TOP1: variants seen among roughly 807,000 people sequenced by gnomAD.
TOP1 encodes DNA topoisomerase I.
TOP1 carries 10 observed loss-of-function variants against 111.1 expected under a neutral mutation model. The ratio of observed to expected loss-of-function variants is 0.09; its 90% CI spans 0.06 to 0.15. The LOEUF (loss-of-function observed/expected upper bound fraction) is 0.15. TOP1 is among the 10% of genes least tolerant of loss of function. TOP1 has a pLI of 1.00. For synonymous variants in TOP1, 271 were observed against 302.9 expected, an observed-to-expected ratio of 0.89 and a Z score of 1.10; for missense variants, 474 against 926.7, an observed-to-expected ratio of 0.51 and a Z score of 6.34.
intron 2 of TOP1, among the ~76,000 whole-genome samples, chr20:41,047,155 C>T (rs1166312283): frequency 6.6e-6 from 1 of 152,218 alleles, no homozygotes; most frequent in East Asian, 1.9e-4. Context: ...GCGCAGTGTT[C>T]TGCAAACTAC....
At chr20:41,113,672 C>T (rs1486806914) in intron 14 of TOP1, among the ~76,000 whole-genome samples, 1 of 150,278 alleles carries the variant, frequency 6.7e-6, no homozygotes, top group Non-Finnish European at 1.5e-5. Flanking sequence ...GGTCAAGAGA[C>T]CATCCTGGCC....
Position 41,032,761 on chromosome 20 carries a change from G to A in TOP1, c.58+3306G>A, listed in dbSNP as rs528704562. Among the ~76,000 whole-genome samples, 8 of 152,338 alleles carry A rather than the reference G, an allele frequency of 5.3e-5. No homozygotes were observed. Among genetic ancestry groups the A allele is most frequent in the Admixed American group, 5.2e-4 (8 of 15,304 alleles). The stretch of plus-strand genomic sequence containing the variant: ...AGGTAATTAAATATGAATTGTTTCT[G>A]ATGCTAATAGATAGTTGTACTTCTG... On this transcript the variant is annotated intron_variant, in intron 2 of 20. Coordinates refer to ENST00000361337, the MANE Select transcript of TOP1 (RefSeq NM_003286.4). This position sits in a 1 kb window ranked among gnomAD's most constrained non-coding sequence, Gnocchi z 4.3.
chr20:41,049,569 A>G (rs2033376882), intron 2 of TOP1, among the ~76,000 whole-genome samples: 1 of 152,220 alleles, frequency 6.6e-6, no homozygotes, highest in African/African-American at 2.4e-5. Flanking sequence ...AAGTCCAGTG[A>G]AACTTGGGCA....
At chr20:41,064,391 C>G (rs2033582603) in intron 3 of TOP1, among the ~76,000 whole-genome samples, 1 of 152,214 alleles carries the variant, frequency 6.6e-6, no homozygotes, top group Admixed American at 6.5e-5. Context: ...TTGGACCCCA[C>G]TCTCCTTAAA....
At chr20:41,038,740 C>A (rs916654347) in intron 2 of TOP1, among the ~76,000 whole-genome samples, 7 of 152,268 alleles carry the variant, frequency 4.6e-5, no homozygotes, top group Admixed American at 2.6e-4. Context: ...AATCCCAGCA[C>A]TTTGGGAGGC....
chr20:41,029,053 T>A lies in TOP1; in HGVS notation c.-15T>A. 1 of 1,546,442 alleles carries A rather than the reference T, an allele frequency of 6.5e-7. No homozygotes were observed. The highest frequency in any genetic ancestry group is 1.2e-5 in the South Asian group (1 of 84,652). ...GCCGCCTCGCCTGCCGCCGCGCTCGTCCCTCCGGGCCGACATGAGTGGGGA... is the reference window on the plus strand; with the variant it reads ...GCCGCCTCGCCTGCCGCCGCGCTCGACCCTCCGGGCCGACATGAGTGGGGA... On this transcript the variant is annotated 5_prime_UTR_variant, in exon 1 of 21. Coordinates refer to ENST00000361337, the MANE Select transcript of TOP1 (RefSeq NM_003286.4). This position sits in a 1 kb window ranked among gnomAD's most constrained non-coding sequence, Gnocchi z 6.1.
chr20:41,080,042 C>T lies in TOP1; in HGVS notation c.336-43C>T, dbSNP rs2033770988. The T allele has an allele frequency of 4.4e-6, 5 of 1,134,294 alleles. No homozygotes were observed. The highest frequency in any genetic ancestry group is 6.6e-6 in the Non-Finnish European group (5 of 755,020). The allele number at this position is 1,134,294 out of a possible 1,614,324, so 70.3% of individuals were successfully genotyped here. A position where few individuals can be genotyped will look rare whatever the true frequency, so the allele number is the denominator to read the frequency against. Reference sequence around the variant, plus strand: ...ATTCCTTCTTTGTATTAATAGAATACAGATGTTCTAGCACTCTGACCAGCA... The same window carrying T: ...ATTCCTTCTTTGTATTAATAGAATATAGATGTTCTAGCACTCTGACCAGCA... On this transcript the variant is annotated intron_variant, in intron 5 of 20. Transcript: ENST00000361337. The surrounding 1 kb of genome is among the most constrained non-coding windows in gnomAD (Gnocchi z 5.0).
Position 41,080,020 on chromosome 20 carries a change from CCTT to C in TOP1, c.336-61_336-59del. 1 of 942,106 alleles carries C rather than the reference CCTT, an allele frequency of 1.1e-6. No homozygotes were observed. The highest frequency in any genetic ancestry group is 1.7e-6 in the Non-Finnish European group (1 of 590,580). 58.4% of individuals were successfully genotyped at this position (942,106 alleles called of 1,614,324 possible). ...CTTCTTTTCAACGAAATGACATATT[CCTT>C]CTTTGTATTAATAGAATACAGATGT... On this transcript the variant is annotated intron_variant, in intron 5 of 20. Transcript: ENST00000361337. This position sits in a 1 kb window ranked among gnomAD's most constrained non-coding sequence, Gnocchi z 5.0.
At position 41,082,745 on chromosome 20, in the gene TOP1, G is replaced by T. The variant is rs565316091; in HGVS notation, c.507+1505G>T. ...CAAGGAATTGAGAGTGAAATGTTAAGTAGTGATTATGGTAGCCAATCACTC... is the reference window on the plus strand; with the variant it reads ...CAAGGAATTGAGAGTGAAATGTTAATTAGTGATTATGGTAGCCAATCACTC... On this transcript the variant is annotated intron_variant, in intron 7 of 20. Coordinates refer to ENST00000361337, the MANE Select transcript of TOP1 (RefSeq NM_003286.4). This position sits in a 1 kb window ranked among gnomAD's most constrained non-coding sequence, Gnocchi z 4.1. 1.6e-4 allele frequency among the ~76,000 whole-genome samples: 24 copies of T among 152,186 alleles called. No individual in the cohort carries two copies. Among genetic ancestry groups the T allele is most frequent in the Non-Finnish European group, 3.1e-4 (21 of 68,006 alleles).
rs2033763938 is a variant in TOP1, at chr20:41,079,422, G to A, written c.336-663G>A. On this transcript the variant is annotated intron_variant, in intron 5 of 20. Coordinates refer to ENST00000361337, the MANE Select transcript of TOP1 (RefSeq NM_003286.4). This position sits in a 1 kb window ranked among gnomAD's most constrained non-coding sequence, Gnocchi z 4.0. Reference sequence around the variant, plus strand: ...TGTCTTTTTATATTTATATTTTGAAGGTAAGATCTTAACAAATAGTAGTGA... The same window carrying A: ...TGTCTTTTTATATTTATATTTTGAAAGTAAGATCTTAACAAATAGTAGTGA... Among the ~76,000 whole-genome samples, 3 of 152,096 alleles carry A rather than the reference G, an allele frequency of 2.0e-5. No homozygotes were observed. The highest frequency in any genetic ancestry group is 4.4e-5 in the Non-Finnish European group (3 of 68,020).
chr20:41,114,094 A>G lies in TOP1; in HGVS notation c.1577A>G (p.Glu526Gly). The G allele has an allele frequency of 6.2e-7, 1 of 1,614,212 alleles. No homozygotes were observed. Among genetic ancestry groups the G allele is most frequent in the Non-Finnish European group, 8.5e-7 (1 of 1,180,030 alleles). The change falls in exon 15 of 21, where the codon GAG becomes GGG. Residue 526 changes from glutamate (E) to glycine (G), a missense_variant. Coordinates refer to ENST00000361337, the MANE Select transcript of TOP1 (RefSeq NM_003286.4). The surrounding 1 kb of genome is among the most constrained non-coding windows in gnomAD (Gnocchi z 4.5). ...PELDGQEYVV[E>G]FDFLGKDSIR... ...TTGGATGGTCAGGAATATGTGGTAG[A>G]GTTTGACTTCCTCGGGAAGGACTCC...
At chr20:41,108,633 G>T (rs1568702219) in intron 13 of TOP1, among the ~76,000 whole-genome samples, 1 of 152,114 alleles carries the variant, frequency 6.6e-6, no homozygotes, top group African/African-American at 2.4e-5. Flanking sequence ...TTTCCCCCCA[G>T]GATTTTGATT....
chr20:41,113,090 G>A (rs2034268188), intron 14 of TOP1, among the ~76,000 whole-genome samples, 165 bp downstream of exon 14: 1 of 152,146 alleles, frequency 6.6e-6, no homozygotes, highest in Admixed American at 6.5e-5. Context: ...TAGCCTTACT[G>A]TGAGCAGTAG....
rs772822574 is a variant in TOP1, at chr20:41,118,144, T to A, written c.1823-25T>A. ...CTTTTGGTGTACAAACTGACCCTCTTGCTACCATGTTCCTTTCTTTACAGC... is the reference window on the plus strand; with the variant it reads ...CTTTTGGTGTACAAACTGACCCTCTAGCTACCATGTTCCTTTCTTTACAGC... On this transcript the variant is annotated intron_variant, in intron 17 of 20. Transcript: ENST00000361337. This position sits in a 1 kb window ranked among gnomAD's most constrained non-coding sequence, Gnocchi z 4.6. 3 of 1,608,822 alleles carry A rather than the reference T, an allele frequency of 1.9e-6. 1 individual carries two copies. The South Asian group carries it at 3.3e-5, about 18-fold the overall frequency.
chr20:41,117,282 C>T (rs1055852555), intron 17 of TOP1, among the ~76,000 whole-genome samples: 5 of 146,932 alleles, frequency 3.4e-5, no homozygotes, highest in Non-Finnish European at 6.1e-5. Flanking sequence ...CTGTAATGAG[C>T]TACGACCATA....
At chr20:41,044,257 A>G (rs995182406) in intron 2 of TOP1, among the ~76,000 whole-genome samples, 2 of 152,220 alleles carry the variant, frequency 1.3e-5, no homozygotes, top group African/African-American at 4.8e-5. Flanking sequence ...GCAGGGCAAC[A>G]AGAGCAAAAC....
In TOP1 at chr20:41,058,431, G is replaced by A. The variant is rs531282948; in HGVS notation, c.59-2963G>A. 6.6e-6 allele frequency among the ~76,000 whole-genome samples: 1 copy of A among 152,302 alleles called. No homozygotes were observed. The highest frequency in any genetic ancestry group is 2.1e-4 in the South Asian group (1 of 4,828). Reference sequence around the variant, plus strand: ...ATGTCAGCCAGGGCTGCAGTCATTTGAAAACTTAATTTAGGCTAGAAGGTC... The same window carrying A: ...ATGTCAGCCAGGGCTGCAGTCATTTAAAAACTTAATTTAGGCTAGAAGGTC... On this transcript the variant is annotated intron_variant, in intron 2 of 20. Coordinates refer to ENST00000361337, the MANE Select transcript of TOP1 (RefSeq NM_003286.4). The surrounding 1 kb of genome is among the most constrained non-coding windows in gnomAD (Gnocchi z 4.2).
At position 41,123,351 on chromosome 20, in the gene TOP1, T is replaced by G; in HGVS notation, c.*54T>G. On this transcript the variant is annotated 3_prime_UTR_variant, in exon 21 of 21. Coordinates refer to ENST00000361337, the MANE Select transcript of TOP1 (RefSeq NM_003286.4). This position sits in a 1 kb window ranked among gnomAD's most constrained non-coding sequence, Gnocchi z 5.8. ...GAGGAACAGTGTGGTTTGGGAAAGA[T>G]GGATAAACTGAGCCTCACTTGCCCT... 1 of 1,359,102 alleles carries G rather than the reference T, an allele frequency of 7.4e-7. No homozygotes were observed. Among genetic ancestry groups the G allele is most frequent in the East Asian group, 2.3e-5 (1 of 43,222 alleles). 84.2% of individuals were successfully genotyped at this position (1,359,102 alleles called of 1,614,324 possible).
Position 41,118,017 on chromosome 20 carries a change from G to A in TOP1, c.1823-152G>A. 1 of 780,172 alleles carries A rather than the reference G, an allele frequency of 1.3e-6. No individual in the cohort carries two copies. 48.3% of individuals were successfully genotyped at this position (780,172 alleles called of 1,614,324 possible). ...TCTTAAGACTGTTGACTCAAATTTT[G>A]ACCTTAGTCCTTGGGGGCAATTTGA... On this transcript the variant is annotated intron_variant, in intron 17 of 20. Transcript: ENST00000361337. The surrounding 1 kb of genome is among the most constrained non-coding windows in gnomAD (Gnocchi z 4.6).
Sources: allele counts gnomAD v4.1 joint callset (sites outside exome capture counted in the v4.1 genomes callset), GRCh38; gene constraint gnomAD v4.1.1; non-coding constraint Gnocchi (gnomAD v3.1); transcripts MANE v1.5; gene names NCBI Gene and HGNC (gene_info 2026-07-23, HGNC 2026-07-21).